Variants in GON4L observed in about 807,000 individuals in gnomAD.
GON4L encodes the protein gon-4 like.
A neutral mutation model predicts 211.8 loss-of-function variants in GON4L; 87 were observed. The observed-to-expected ratio is 0.41, with a 90% CI of 0.35 to 0.49. The LOEUF is 0.49. Among genes scored for constraint, GON4L ranks in the 20% least tolerant of loss-of-function variants. The probability of loss-of-function intolerance (pLI) is 0.15; values close to 1 mark genes in which losing one functional copy is unlikely to be tolerated. For synonymous variants in GON4L, 875 were observed against 962.6 expected (o/e 0.91, Z 1.68); for missense variants, 2,155 against 2,659.5 (o/e 0.81, Z 4.17).
At chr1:155,802,275 T>C (rs1666738677) in intron 11 of GON4L, among the ~76,000 whole-genome samples, 1 of 137,172 alleles carries the variant, frequency 7.3e-6, no homozygotes, top group Non-Finnish European at 1.6e-5. Context: ...AAAAATCATA[T>C]GAAAAATTTC....
At chr1:155,760,355 A>G (rs1661664102) in intron 24 of GON4L, 89 bp downstream of exon 24, 4 of 774,642 alleles carry the variant, frequency 5.2e-6, no homozygotes, top group Admixed American at 5.0e-5. Context: ...AGGAGCTGGG[A>G]GACTGAAAGA....
At chr1:155,761,497 AT>A (rs534585899) in intron 23 of GON4L, among the ~76,000 whole-genome samples, 602 of 129,206 alleles carry the variant, frequency 4.7e-3, no homozygotes, top group East Asian at 7.4e-3. Flanking sequence ...AGCCTGGTTC[AT>A]TTTTTTTTTT....
chr1:155,856,792 G>A (rs994882064), intron 1 of GON4L, among the ~76,000 whole-genome samples: 1 of 152,052 alleles, frequency 6.6e-6, no homozygotes, highest in African/African-American at 2.4e-5. Context: ...GAAAAAGAAG[G>A]AAAGAAAGAC....
downstream of GON4L, chr1:155,746,758 G>T (rs1397004715): frequency 4.1e-6 from 6 of 1,465,894 alleles, no homozygotes; most frequent in Non-Finnish European, 5.5e-6. Flanking sequence ...ACTCTGATCA[G>T]AGTGCAGTTT....
chr1:155,810,583 T>G (rs1338887754), intron 10 of GON4L, among the ~76,000 whole-genome samples: 1 of 151,720 alleles, frequency 6.6e-6, no homozygotes, highest in African/African-American at 2.4e-5. Flanking sequence ...TGTGCACGCC[T>G]GTAGTCCCAG....
intron 2 of GON4L, among the ~76,000 whole-genome samples, chr1:155,828,215 G>A (rs1250607882): frequency 1.3e-5 from 2 of 152,032 alleles, no homozygotes; most frequent in East Asian, 1.9e-4. Flanking sequence ...TAGGCTGGGC[G>A]CAGTGGCTCA....
intron 18 of GON4L, 140 bp from the exon 19 acceptor site, chr1:155,771,357 A>G: frequency 1.8e-6 from 2 of 1,122,822 alleles, no homozygotes; most frequent in Non-Finnish European, 2.6e-6. Flanking sequence ...GCTGGAGTGC[A>G]GTGGCACCAT....
At chr1:155,827,147 T>C (rs370486805) in intron 2 of GON4L, 119 bp from the exon 3 acceptor site, 14 of 752,636 alleles carry the variant, frequency 1.9e-5, no homozygotes, top group Non-Finnish European at 3.3e-5. Context: ...AAGCATATAC[T>C]ATATAGGAAT....
At chr1:155,774,146 C>T (rs950281756) in intron 17 of GON4L, among the ~76,000 whole-genome samples, 6 of 152,036 alleles carry the variant, frequency 3.9e-5, no homozygotes, top group Non-Finnish European at 2.9e-5. Context: ...CTAAAAAATA[C>T]TAAACTAATG....
intron 14 of GON4L, among the ~76,000 whole-genome samples, chr1:155,783,268 A>T (rs1383178378): frequency 6.6e-6 from 1 of 152,158 alleles, no homozygotes; most frequent in Non-Finnish European, 1.5e-5. Flanking sequence ...TAGCTTTCAG[A>T]TGGATCCCAA....
intron 12 of GON4L, among the ~76,000 whole-genome samples, chr1:155,786,896 C>T (rs931242481): frequency 2.0e-5 from 3 of 151,586 alleles, no homozygotes; most frequent in African/African-American, 4.9e-5. Context: ...GTGTGAGCCA[C>T]GGTGCCCAGT....
downstream of GON4L, chr1:155,749,575 T>C: frequency 7.0e-7 from 1 of 1,422,022 alleles, no homozygotes; most frequent in South Asian, 1.2e-5. Flanking sequence ...TACCCCCACC[T>C]CTTCTCAAGC....
chr1:155,824,268 A>AG (rs1668978068), intron 3 of GON4L, among the ~76,000 whole-genome samples: 1 of 150,178 alleles, frequency 6.7e-6, no homozygotes, highest in African/African-American at 2.4e-5. Flanking sequence ...ACTAAAAAAA[A>AG]AAAAATAATA....
intron 20 of GON4L, 181 bp downstream of exon 20, chr1:155,767,244 A>C: frequency 7.2e-7 from 1 of 1,392,356 alleles, no homozygotes; most frequent in Non-Finnish European, 9.7e-7. Flanking sequence ...TATTATTTTG[A>C]AAATGCTGTA....
At chr1:155,775,219 T>C in intron 16 of GON4L, 46 bp from the exon 17 acceptor site, 3 of 1,612,570 alleles carry the variant, frequency 1.9e-6, no homozygotes, top group East Asian at 2.2e-5. Flanking sequence ...TTCCAGACAA[T>C]TAATACCAGT....
intron 2 of GON4L, among the ~76,000 whole-genome samples, chr1:155,827,596 G>A (rs1669334780): frequency 1.3e-5 from 2 of 152,202 alleles, no homozygotes; most frequent in South Asian, 2.1e-4. Context: ...TGAGCTGGGA[G>A]GATGGCTTGA....
chr1:155,769,877 T>C (rs1662996146), intron 19 of GON4L, among the ~76,000 whole-genome samples: 2 of 152,048 alleles, frequency 1.3e-5, no homozygotes, highest in African/African-American at 4.8e-5. Context: ...AGGTAAATCC[T>C]CAGCTTCCTT....
intron 12 of GON4L, among the ~76,000 whole-genome samples, chr1:155,786,524 T>G (rs822024): frequency 6.6e-6 from 1 of 151,902 alleles, no homozygotes; most frequent in Admixed American, 6.6e-5. Context: ...GAGCAAGATA[T>G]TGTCTTAAAA....
intron 2 of GON4L, among the ~76,000 whole-genome samples, chr1:155,850,380 G>A (rs1671664509): frequency 6.6e-6 from 1 of 152,106 alleles, no homozygotes; most frequent in African/African-American, 2.4e-5. Flanking sequence ...ATAAAACACA[G>A]GTGTCCCAAA....
Sources: allele counts gnomAD v4.1 joint callset (sites outside exome capture counted in the v4.1 genomes callset), GRCh38; gene constraint gnomAD v4.1.1; transcripts MANE v1.5; gene names NCBI Gene and HGNC (gene_info 2026-07-23, HGNC 2026-07-21).